NTRK3: variants seen among roughly 807,000 people sequenced by gnomAD.
NTRK3 encodes the protein NT-3 growth factor receptor.
Under a neutral mutation model 91.7 loss-of-function variants are expected in NTRK3, and 24 were observed. That is an observed-to-expected ratio of 0.26 (90% confidence interval 0.19 to 0.37). The LOEUF (loss-of-function observed/expected upper bound fraction) is 0.37. NTRK3 is among the 10% of genes least tolerant of loss of function. The pLI is 1.00. For missense variants in NTRK3, 880 were observed against 1,068.9 expected, an observed-to-expected ratio of 0.82 and a Z score of 2.46; for synonymous variants, 483 against 404.0, an observed-to-expected ratio of 1.20 and a Z score of -2.34.
chr15:88,119,726 C>T (rs1258321993), intron 13 of NTRK3, among the ~76,000 whole-genome samples: 1 of 152,200 alleles, frequency 6.6e-6, no homozygotes, highest in Non-Finnish European at 1.5e-5. Context: ...AAAGAATGGA[C>T]ACATCTTGGG....
Position 87,944,922 on chromosome 15 carries a change from C to T in NTRK3, c.1586-4169G>A, listed in dbSNP as rs148574327. ...TGCTTCTGCATGCTTTTAGCTCACA[C>T]AGTGCTGTTCAGAGCTGCCTCTGGT... On this transcript the variant is annotated intron_variant, in intron 14 of 18. Coordinates refer to ENST00000394480, the Ensembl canonical transcript of NTRK3. 9.8e-5 allele frequency among the ~76,000 whole-genome samples: 15 copies of T among 152,366 alleles called. No homozygotes were observed. In the East Asian group the frequency reaches 2.5e-3, roughly 25 times the overall value.
chr15:88,141,154 C>G (rs932130549), intron 6 of NTRK3, among the ~76,000 whole-genome samples: 2 of 152,014 alleles, frequency 1.3e-5, no homozygotes, highest in African/African-American at 4.8e-5. Flanking sequence ...AGGGAAGGAT[C>G]AAGTCAAGAA....
intron 6 of NTRK3, among the ~76,000 whole-genome samples, chr15:88,141,876 T>G (rs759937897): frequency 2.6e-5 from 4 of 152,240 alleles, no homozygotes; most frequent in Non-Finnish European, 4.4e-5. Context: ...CCCAGGGTCC[T>G]GCTTACAGGA....
chr15:87,889,963 TTTA>T (rs1284338471), intron 17 of NTRK3, among the ~76,000 whole-genome samples: 2 of 146,864 alleles, frequency 1.4e-5, no homozygotes, highest in African/African-American at 5.3e-5. Flanking sequence ...TATTTATTTA[TTTA>T]TTTATTTATT....
At chr15:87,900,512 A>G (rs1463988692) in intron 17 of NTRK3, among the ~76,000 whole-genome samples, 13 of 152,216 alleles carry the variant, frequency 8.5e-5, no homozygotes, top group Admixed American at 5.9e-4. Context: ...TTTGGTCTCA[A>G]TGTTCATACT....
At chr15:88,129,246 T>C (rs983184775) in intron 10 of NTRK3, among the ~76,000 whole-genome samples, 1 of 152,240 alleles carries the variant, frequency 6.6e-6, no homozygotes, top group Non-Finnish European at 1.5e-5. Context: ...GATGGTAACA[T>C]GTTATTTGAT....
intron 13 of NTRK3, among the ~76,000 whole-genome samples, chr15:88,057,917 C>T (rs1281852237): frequency 6.6e-6 from 1 of 152,230 alleles, no homozygotes; most frequent in Non-Finnish European, 1.5e-5. Context: ...TGGGAGATGC[C>T]TGCTGCCAGT....
chr15:87,904,299 T>A (rs367793811), intron 17 of NTRK3, among the ~76,000 whole-genome samples: 1 of 152,072 alleles, frequency 6.6e-6, no homozygotes, highest in African/African-American at 2.4e-5. Flanking sequence ...TACAGGCACA[T>A]GCCACCACGC....
intron 3 of NTRK3, among the ~76,000 whole-genome samples, chr15:88,224,233 G>T (rs2050484811): frequency 6.6e-6 from 1 of 152,224 alleles, no homozygotes; most frequent in Admixed American, 6.5e-5. Context: ...GCAAGGTGAG[G>T]GGCCAGCCCT....
chr15:88,094,475 C>CAAAAAAA (rs10610101), intron 13 of NTRK3, among the ~76,000 whole-genome samples: 11 of 30,320 alleles, frequency 3.6e-4, no homozygotes, highest in East Asian at 1.2e-3. Flanking sequence ...GACTCCGTCT[C>CAAAAAAA]AAAAAAAAAA....
intron 3 of NTRK3, among the ~76,000 whole-genome samples, chr15:88,220,944 G>C (rs112898606): frequency 2.8e-4 from 42 of 152,250 alleles, no homozygotes; most frequent in African/African-American, 9.6e-4. Context: ...GCTGATTCTT[G>C]GGCTTAACCC....
At chr15:88,224,719 T>G (rs1369939417) in intron 3 of NTRK3, among the ~76,000 whole-genome samples, 1 of 152,192 alleles carries the variant, frequency 6.6e-6, no homozygotes, top group African/African-American at 2.4e-5. Flanking sequence ...CCCAGGTACC[T>G]ACCAGGAGTG....
At chr15:88,206,367 CA>C (rs2048768424) in intron 3 of NTRK3, among the ~76,000 whole-genome samples, 1 of 130,946 alleles carries the variant, frequency 7.6e-6, no homozygotes, top group Non-Finnish European at 1.6e-5. Flanking sequence ...AAAAAACAAA[CA>C]AAAAAACAGG....
chr15:88,176,708 C>A (rs1422947318), intron 5 of NTRK3, among the ~76,000 whole-genome samples: 1 of 152,136 alleles, frequency 6.6e-6, no homozygotes, highest in African/African-American at 2.4e-5. Context: ...AAATCACTAC[C>A]AATCACTTGG....
intron 14 of NTRK3, chr15:87,979,431 G>A: frequency 1.2e-6 from 2 of 1,613,210 alleles, no homozygotes; most frequent in Non-Finnish European, 1.7e-6. Context: ...TGTCCGGGAA[G>A]GCTTATTGGA....
At chr15:87,925,932 T>C (rs1400817609) in intron 17 of NTRK3, among the ~76,000 whole-genome samples, 1 of 152,224 alleles carries the variant, frequency 6.6e-6, no homozygotes, top group African/African-American at 2.4e-5. Flanking sequence ...AGTAAGATAA[T>C]ATAAACAGGA....
At chr15:87,937,437 G>C (rs183714889) in intron 15 of NTRK3, among the ~76,000 whole-genome samples, 52 of 152,226 alleles carry the variant, frequency 3.4e-4, no homozygotes, top group African/African-American at 1.2e-3. Flanking sequence ...TGGGAAAATA[G>C]TAAAAATCCG....
At chr15:88,104,582 G>C (rs2050508667) in intron 13 of NTRK3, among the ~76,000 whole-genome samples, 1 of 152,154 alleles carries the variant, frequency 6.6e-6, no homozygotes, top group Non-Finnish European at 1.5e-5. Flanking sequence ...CCAGCTATCA[G>C]CACTGAAGTT....
At chr15:88,088,159 G>T (rs145404411) in intron 13 of NTRK3, among the ~76,000 whole-genome samples, 17 of 152,320 alleles carry the variant, frequency 1.1e-4, no homozygotes, top group African/African-American at 4.1e-4. Flanking sequence ...AATAAGTCAT[G>T]AAACCTTCTG....
Sources: allele counts gnomAD v4.1 joint callset (sites outside exome capture counted in the v4.1 genomes callset), GRCh38; gene constraint gnomAD v4.1.1; transcripts MANE v1.5; gene names NCBI Gene and HGNC (gene_info 2026-07-23, HGNC 2026-07-21).